The following LCA5 variants were observed in gnomAD, a reference collection of about 807,000 sequenced individuals.
The protein encoded by LCA5 is lebercilin LCA5.
In LCA5, 37 loss-of-function variants were observed where a neutral mutation model predicts 53.0. The observed-to-expected ratio is 0.70, with a 90% CI of 0.54 to 0.92. The LOEUF (loss-of-function observed/expected upper bound fraction) is 0.92. LCA5 is among the 40% of genes least tolerant of loss of function. LCA5 has a pLI of 0.00. For missense variants in LCA5, 806 were observed against 790.5 expected, an observed-to-expected ratio of 1.02 and a Z score of -0.23; for synonymous variants, 303 against 282.9, an observed-to-expected ratio of 1.07 and a Z score of -0.71.
intron 1 of LCA5, among the ~76,000 whole-genome samples, chr6:79,529,698 C>G (rs986064172): frequency 7.2e-5 from 11 of 151,774 alleles, no homozygotes; most frequent in Non-Finnish European, 1.2e-4. Flanking sequence ...AGACTTGGAA[C>G]CAACCCAAAT....
intron 1 of LCA5, among the ~76,000 whole-genome samples, chr6:79,530,594 A>G (rs1190908198): frequency 6.6e-6 from 1 of 152,232 alleles, no homozygotes; most frequent in African/African-American, 2.4e-5. Flanking sequence ...TTTTGAAATA[A>G]GGTGGGTTTT....
At chr6:79,531,339 C>T (rs575400313) in intron 1 of LCA5, among the ~76,000 whole-genome samples, 7 of 152,136 alleles carry the variant, frequency 4.6e-5, no homozygotes, top group African/African-American at 9.7e-5. Flanking sequence ...AAGGATTGTG[C>T]GTCTGCAATT....
intron 1 of LCA5, among the ~76,000 whole-genome samples, chr6:79,521,880 C>G (rs564460326): frequency 1.3e-5 from 2 of 152,286 alleles, no homozygotes; most frequent in African/African-American, 2.4e-5. Flanking sequence ...CTATCAGATA[C>G]TACTGATGGA....
At chr6:79,510,846 C>A (rs920273996) in intron 3 of LCA5, among the ~76,000 whole-genome samples, 1 of 151,978 alleles carries the variant, frequency 6.6e-6, no homozygotes, top group Non-Finnish European at 1.5e-5. Context: ...TAGGGAAAGG[C>A]AAATTAAAAC....
At chr6:79,533,551 T>G (rs1767017598) in intron 1 of LCA5, among the ~76,000 whole-genome samples, 1 of 151,430 alleles carries the variant, frequency 6.6e-6, no homozygotes, top group Admixed American at 6.6e-5. Context: ...ATCTAATACT[T>G]GACATTGTTC....
At chr6:79,525,640 C>G (rs547189470) in intron 1 of LCA5, among the ~76,000 whole-genome samples, 1 of 152,312 alleles carries the variant, frequency 6.6e-6, no homozygotes, top group East Asian at 1.9e-4. Context: ...CAAAGGCATT[C>G]GAAATTCAAC....
chr6:79,529,414 T>G (rs1562114279), intron 1 of LCA5, among the ~76,000 whole-genome samples: 1 of 152,126 alleles, frequency 6.6e-6, no homozygotes. Context: ...GCAGGGCTCA[T>G]GCACCTAGAG....
rs200973666 is a variant in LCA5, at chr6:79,491,555, G to C, written c.1098+33C>G. Reference sequence around the variant, plus strand: ...GTGTTTTTAGGAATAACTTCAGACCGAGTTTGGTACATAACAATACTGCTA... The same window carrying C: ...GTGTTTTTAGGAATAACTTCAGACCCAGTTTGGTACATAACAATACTGCTA... On this transcript the variant is annotated intron_variant, in intron 6 of 7. Coordinates refer to ENST00000369846, the MANE Select transcript of LCA5 (RefSeq NM_001122769.3). The C allele has an allele frequency of 1.1e-5, 17 of 1,609,648 alleles. No homozygotes were observed. The Middle Eastern group carries it at 8.2e-4, about 78-fold the overall frequency.
intron 1 of LCA5, among the ~76,000 whole-genome samples, chr6:79,524,401 C>A (rs2127686212): frequency 6.6e-6 from 1 of 152,224 alleles, no homozygotes; most frequent in South Asian, 2.1e-4. Flanking sequence ...GTTATTTTAC[C>A]TCACACTTGT....
chr6:79,489,046 C>A (rs779108049), intron 7 of LCA5, 38 bp downstream of exon 7: 4 of 1,609,090 alleles, frequency 2.5e-6, no homozygotes, highest in African/African-American at 1.3e-5. Flanking sequence ...TCAAGGGATG[C>A]TGACTTGTCA....
In LCA5 at chr6:79,486,586, A is replaced by G. The variant is rs1317886539; in HGVS notation, c.*418T>C. The G allele has an allele frequency of 1.2e-5, 2 of 169,206 alleles. No individual in the cohort carries two copies. The highest frequency in any genetic ancestry group is 3.4e-4 in the East Asian group (2 of 5,798). The allele number at this position is 169,206 out of a possible 1,614,324, so 10.5% of individuals were successfully genotyped here. A position where few individuals can be genotyped will look rare whatever the true frequency, so the allele number is the denominator to read the frequency against. ...CTGGTTCTCCACCATCCGGAGCTAC[A>G]CTTCCCAACACAGACTTTCACCCTT... On this transcript the variant is annotated 3_prime_UTR_variant, in exon 8 of 8. Coordinates refer to ENST00000369846, the MANE Select transcript of LCA5 (RefSeq NM_001122769.3).
At chr6:79,528,031 G>A (rs1370622337) in intron 1 of LCA5, among the ~76,000 whole-genome samples, 3 of 152,186 alleles carry the variant, frequency 2.0e-5, no homozygotes, top group South Asian at 2.1e-4. Flanking sequence ...TCAAATTTTC[G>A]GTACAAGCCC....
intron 1 of LCA5, among the ~76,000 whole-genome samples, chr6:79,529,216 C>T (rs993232906): frequency 2.0e-5 from 3 of 152,168 alleles, no homozygotes; most frequent in African/African-American, 7.2e-5. Flanking sequence ...ATTAAACTCA[C>T]TCTCCTAGAA....
intron 1 of LCA5, among the ~76,000 whole-genome samples, chr6:79,534,980 T>C (rs1199537337): frequency 8.5e-5 from 13 of 152,184 alleles, no homozygotes; most frequent in Admixed American, 8.5e-4. Flanking sequence ...TTTGAAAACT[T>C]AGTACATAAA....
chr6:79,517,152 T>C (rs1766463219), intron 2 of LCA5, among the ~76,000 whole-genome samples: 1 of 152,086 alleles, frequency 6.6e-6, no homozygotes, highest in African/African-American at 2.4e-5. Context: ...AGTTTGGTCT[T>C]GTTACTTGGT....
In LCA5 at chr6:79,489,191, C is replaced by T; in HGVS notation, c.1124G>A (p.Arg375Lys). The T allele has an allele frequency of 6.2e-7, 1 of 1,612,240 alleles. No individual in the cohort carries two copies. Among genetic ancestry groups the T allele is most frequent in the Non-Finnish European group, 8.5e-7 (1 of 1,179,610 alleles). The change falls in exon 7 of 8, where the codon AGG becomes AAG. Residue 375 changes from arginine to lysine, a missense_variant. Arg to Lys is a conservative substitution (Grantham distance 26). Coordinates refer to ENST00000369846, the MANE Select transcript of LCA5 (RefSeq NM_001122769.3). ...TLDLQSQKQD[R>K]HGEAGILNPI... Reference sequence around the variant, plus strand: ...GTTTAGAATCCCTGCTTCTCCATGCCTGTCTTGCTTTTGAGATTGCAAGTC... The same window carrying T: ...GTTTAGAATCCCTGCTTCTCCATGCTTGTCTTGCTTTTGAGATTGCAAGTC...
At chr6:79,508,833 C>A (rs955478065) in intron 3 of LCA5, among the ~76,000 whole-genome samples, 3 of 151,988 alleles carry the variant, frequency 2.0e-5, no homozygotes, top group Non-Finnish European at 4.4e-5. Flanking sequence ...TTGACTATAA[C>A]TGAGTTAGAA....
At chr6:79,535,216 G>C (rs1418601970) in intron 1 of LCA5, among the ~76,000 whole-genome samples, 2 of 152,112 alleles carry the variant, frequency 1.3e-5, no homozygotes, top group Non-Finnish European at 2.9e-5. Flanking sequence ...AAGTGGGACT[G>C]GATCGGGTGG....
chr6:79,520,343 A>G (rs533298868), intron 1 of LCA5, among the ~76,000 whole-genome samples: 6 of 152,276 alleles, frequency 3.9e-5, no homozygotes, highest in African/African-American at 1.4e-4. Flanking sequence ...ATACAGTATG[A>G]TCTCAACTAC....
Sources: allele counts gnomAD v4.1 joint callset (sites outside exome capture counted in the v4.1 genomes callset), GRCh38; gene constraint gnomAD v4.1.1; transcripts MANE v1.5; gene names NCBI Gene and HGNC (gene_info 2026-07-23, HGNC 2026-07-21).